GALNS: variants seen among roughly 807,000 people sequenced by gnomAD.
GALNS encodes N-acetylgalactosamine-6-sulfatase.
A neutral mutation model predicts 65.9 loss-of-function variants in GALNS; 65 were observed. That is an observed-to-expected ratio of 0.99 (90% CI 0.81 to 1.21). The LOEUF (loss-of-function observed/expected upper bound fraction) is 1.21, where lower values mean the gene tolerates loss of function less well. Ranked by LOEUF, GALNS falls within the 50% of genes most tolerant of loss-of-function variation. GALNS has a pLI of 0.00. For synonymous variants in GALNS, 346 were observed against 288.9 expected, an observed-to-expected ratio of 1.20 and a Z score of -2.00; for missense variants, 776 against 700.7, an observed-to-expected ratio of 1.11 and a Z score of -1.21.
intron 10 of GALNS, 106 bp from the exon 11 acceptor site, chr16:88,824,975 G>A (rs979577564): frequency 1.1e-5 from 9 of 846,134 alleles, no homozygotes; most frequent in Non-Finnish European, 1.6e-5. Flanking sequence ...CTCCACGTGA[G>A]GTCTTGGTTG....
Position 88,842,773 on chromosome 16 carries a change from C to A in GALNS, c.177G>T (p.Leu59Phe), listed in dbSNP as rs1967036891. ...GCAGCCCTTCTGCAGCCATCCGGTCCAAATTCGGGGTCTCTCTGGAGGGCT... is the reference window on the plus strand; with the variant it reads ...GCAGCCCTTCTGCAGCCATCCGGTCAAAATTCGGGGTCTCTCTGGAGGGCT... ...YGEPSRETPN[L>F]DRMAAEGLLF... The change falls in exon 2 of 14, where the codon TTG (leucine) becomes TTT (phenylalanine). Residue 59 changes from leucine (L) to phenylalanine (F), a missense_variant. By Grantham distance (22) the Leu-to-Phe change is conservative (BLOSUM62 0). Transcript: ENST00000268695. The A allele has an allele frequency of 6.8e-6, 11 of 1,613,238 alleles. No individual in the cohort carries two copies. The highest frequency in any genetic ancestry group is 9.3e-6 in the Non-Finnish European group (11 of 1,179,872).
At chr16:88,836,673 A>C (rs1912175715) in intron 5 of GALNS, among the ~76,000 whole-genome samples, 1 of 150,370 alleles carries the variant, frequency 6.7e-6, no homozygotes, top group Admixed American at 6.6e-5. Context: ...AAAAAAAAGG[A>C]AGCCTGGAAA....
intron 1 of GALNS, chr16:88,856,538 C>T (rs1967901768): frequency 1.4e-6 from 1 of 696,848 alleles, no homozygotes; most frequent in Non-Finnish European, 2.6e-6. Flanking sequence ...GCCTGGACCC[C>T]GCGGCCACTC....
intron 8 of GALNS, among the ~76,000 whole-genome samples, chr16:88,834,292 C>T (rs1199273844): frequency 2.0e-5 from 3 of 152,194 alleles, no homozygotes; most frequent in Non-Finnish European, 2.9e-5. Flanking sequence ...AGGCGCCCCC[C>T]GACATGGTCT....
chr16:88,824,893 A>G (rs1910645709), intron 10 of GALNS, 24 bp from the exon 11 acceptor site: 5 of 1,603,926 alleles, frequency 3.1e-6, no homozygotes, highest in African/African-American at 1.3e-5. Flanking sequence ...GGGGAGGACC[A>G]TGTAATGACA....
chr16:88,835,178 T>C (rs778309466), intron 8 of GALNS, 35 bp downstream of exon 8: 3 of 1,556,626 alleles, frequency 1.9e-6, no homozygotes, highest in Non-Finnish European at 2.6e-6. Flanking sequence ...ACGCTGGCTG[T>C]GGGGAAACCG....
chr16:88,816,475 G>A (rs1597520196), intron 13 of GALNS: 1 of 985,172 alleles, frequency 1.0e-6, no homozygotes, highest in African/African-American at 1.7e-5. Flanking sequence ...CCCTTTGAAG[G>A]AAGGGCCCTG....
intron 1 of GALNS, among the ~76,000 whole-genome samples, chr16:88,852,646 G>A (rs1002302335): frequency 6.6e-6 from 1 of 152,328 alleles, no homozygotes; most frequent in East Asian, 1.9e-4. Flanking sequence ...GAAAAAAGAT[G>A]AGACGAATGG....
Position 88,814,275 on chromosome 16 carries a change from GT to G in GALNS, c.*163del. On this transcript the variant is annotated 3_prime_UTR_variant, in exon 14 of 14. Coordinates refer to ENST00000268695, the MANE Select transcript of GALNS (RefSeq NM_000512.5). ...GGAGGAGGGCCAAGCACACGCCAGG[GT>G]CAGGTCCTGGGCAGGTGGAATTGTG... The G allele has an allele frequency of 1.1e-6, 1 of 948,114 alleles. No homozygotes were observed. The highest frequency in any genetic ancestry group is 1.6e-6 in the Non-Finnish European group (1 of 609,490). 58.7% of individuals were successfully genotyped at this position (948,114 alleles called of 1,614,324 possible).
intron 9 of GALNS, among the ~76,000 whole-genome samples, chr16:88,829,362 C>G (rs917895695): frequency 6.6e-6 from 1 of 152,214 alleles, no homozygotes; most frequent in South Asian, 2.1e-4. Flanking sequence ...CAAAGGAGGC[C>G]GTGCCCACCA....
chr16:88,835,753 G>A lies in GALNS; in HGVS notation c.730C>T (p.Pro244Ser), dbSNP rs765698919. The A allele has an allele frequency of 3.7e-6, 6 of 1,614,046 alleles. No individual in the cohort carries two copies. Among genetic ancestry groups the A allele is most frequent in the Non-Finnish European group, 5.1e-6 (6 of 1,180,046 alleles). Residue 244 changes from proline (P) to serine (S), a missense_variant, in exon 7 of 14, where the codon CCC (proline) becomes TCC (serine). Pro to Ser is a moderately conservative substitution (Grantham distance 74). Coordinates refer to ENST00000268695, the MANE Select transcript of GALNS (RefSeq NM_000512.5). ...ATHAPVYASK[P>S]FLGTSQRGRY... The stretch of plus-strand genomic sequence containing the variant: ...CCTCGCTGACTGGTGCCCAAGAAGG[G>A]TTTGGAGGCATAGACGGGTGCGTGC...
chr16:88,833,786 CTAG>C (rs1351332474), intron 8 of GALNS, among the ~76,000 whole-genome samples: 1 of 152,236 alleles, frequency 6.6e-6, no homozygotes, highest in Non-Finnish European at 1.5e-5. Flanking sequence ...TGTTCTGTTT[CTAG>C]TCTTGTGCTG....
At chr16:88,815,692 G>T (rs1909549897) in intron 13 of GALNS, 3 of 985,480 alleles carry the variant, frequency 3.0e-6, no homozygotes, top group Non-Finnish European at 3.6e-6. Flanking sequence ...TGGATTCTGG[G>T]TGCTGCTCAG....
At chr16:88,855,374 G>C in intron 1 of GALNS, 2 of 702,566 alleles carry the variant, frequency 2.8e-6, no homozygotes, top group East Asian at 2.7e-5. Context: ...ATCTACACTG[G>C]CCCAGAGGAA....
chr16:88,835,893 C>T (rs557712272), intron 6 of GALNS, 44 bp from the exon 7 acceptor site: 79 of 1,612,718 alleles, frequency 4.9e-5, no homozygotes, highest in Admixed American at 2.3e-4. Flanking sequence ...TCAGGCCGAC[C>T]TCCTCATGCC....
At chr16:88,851,870 C>G (rs1286613929) in intron 1 of GALNS, among the ~76,000 whole-genome samples, 1 of 152,244 alleles carries the variant, frequency 6.6e-6, no homozygotes, top group African/African-American at 2.4e-5. Flanking sequence ...TCGAACCGGG[C>G]AGAGCCCACC....
chr16:88,826,891 G>C, intron 9 of GALNS, 53 bp from the exon 10 acceptor site: 1 of 1,549,144 alleles, frequency 6.5e-7, no homozygotes, highest in South Asian at 1.2e-5. Context: ...ACCCGATGGG[G>C]CTGGGGGCCA....
intron 13 of GALNS, chr16:88,815,235 TC>T: frequency 1.0e-6 from 1 of 985,086 alleles, no homozygotes; most frequent in Non-Finnish European, 1.2e-6. Context: ...GGTGGGGAGG[TC>T]CCGGGTATGG....
chr16:88,832,528 C>T (rs1460882953), intron 8 of GALNS, among the ~76,000 whole-genome samples: 1 of 152,120 alleles, frequency 6.6e-6, no homozygotes, highest in East Asian at 1.9e-4. Context: ...CACGGTGGGG[C>T]GTAGGAATCT....
Sources: gnomAD v4.1 joint callset for allele counts (sites outside exome capture counted in the v4.1 genomes callset) on GRCh38, gnomAD v4.1.1 for gene constraint, MANE v1.5 for transcripts, NCBI Gene and HGNC (gene_info 2026-07-23, HGNC 2026-07-21) for gene names.